Variants in CEP112 observed in about 807,000 individuals in gnomAD.
CEP112 encodes centrosomal protein 112.
CEP112 carries 127 observed loss-of-function variants against 153.0 expected under a neutral mutation model. That is an observed-to-expected ratio of 0.83 (90% CI 0.72 to 0.96). CEP112 has a LOEUF of 0.96. CEP112 is among the 40% of genes least tolerant of loss of function. The pLI, the probability that CEP112 is intolerant of heterozygous loss-of-function variation, is 0.00. For missense variants in CEP112, 1,089 were observed against 1,101.2 expected, an observed-to-expected ratio of 0.99 and a Z score of 0.16; for synonymous variants, 358 against 374.4, an observed-to-expected ratio of 0.96 and a Z score of 0.51.
chr17:65,689,135 CT>C lies in CEP112; in HGVS notation c.2690del (p.Gln897ArgfsTer4). ...KKLQHKELES[Q>X]EQITYIRQEY... ...ATAGTAAAGGAGAGGGTACCTGTTC[CT>C]GTGACTCCAATTCTTTGTGTTGTAA... On this transcript the variant is annotated frameshift_variant, in exon 24 of 27. Coordinates refer to ENST00000535342, the MANE Select transcript of CEP112 (RefSeq NM_001199165.4). LOFTEE classifies it high-confidence loss of function. The C allele has an allele frequency of 1.2e-6, 2 of 1,607,672 alleles. No homozygotes were observed. The highest frequency in any genetic ancestry group is 1.7e-6 in the Non-Finnish European group (2 of 1,174,206).
chr17:65,655,453 G>A, intron 24 of CEP112: 1 of 1,038,270 alleles, frequency 9.6e-7, no homozygotes, highest in Non-Finnish European at 1.5e-6. Flanking sequence ...TCTTTTGAAT[G>A]GGCCACAGTG....
chr17:65,659,914 C>A (rs2046258692), intron 24 of CEP112, among the ~76,000 whole-genome samples: 1 of 152,062 alleles, frequency 6.6e-6, no homozygotes, highest in South Asian at 2.1e-4. Context: ...TGAGTAGGAA[C>A]TTTCAAGATG....
chr17:66,089,595 A>G (rs944817513), intron 8 of CEP112, among the ~76,000 whole-genome samples: 3 of 152,162 alleles, frequency 2.0e-5, no homozygotes, highest in South Asian at 2.1e-4. Context: ...AATTCAGTAA[A>G]CTCAAATATA....
intron 4 of CEP112, among the ~76,000 whole-genome samples, chr17:66,136,436 T>C (rs1025352007): frequency 3.3e-5 from 5 of 151,508 alleles, no homozygotes; most frequent in African/African-American, 9.7e-5. Flanking sequence ...ACAAAGGTGG[T>C]GGTTTGGACT....
chr17:65,734,520 C>T (rs547722060), intron 23 of CEP112, among the ~76,000 whole-genome samples: 3 of 152,162 alleles, frequency 2.0e-5, no homozygotes, highest in Admixed American at 1.3e-4. Context: ...TAGTAATAAA[C>T]TCATTATGTG....
intron 17 of CEP112, among the ~76,000 whole-genome samples, chr17:65,965,224 C>T (rs1054165286): frequency 2.6e-5 from 4 of 152,040 alleles, no homozygotes; most frequent in Admixed American, 6.6e-5. Flanking sequence ...TTTAGCTATC[C>T]GTCAGATAAT....
chr17:65,699,544 C>T (rs1380680700), intron 23 of CEP112, among the ~76,000 whole-genome samples: 1 of 152,182 alleles, frequency 6.6e-6, no homozygotes, highest in African/African-American at 2.4e-5. Flanking sequence ...CTCCCTTTTG[C>T]TAAGTCCCTT....
chr17:65,848,715 C>T (rs2057814435), intron 21 of CEP112, among the ~76,000 whole-genome samples: 1 of 152,226 alleles, frequency 6.6e-6, no homozygotes, highest in Non-Finnish European at 1.5e-5. Context: ...TGTAGTGTCA[C>T]TTCAAACTCC....
At chr17:66,109,869 T>A (rs1343402448) in intron 6 of CEP112, among the ~76,000 whole-genome samples, 1 of 152,080 alleles carries the variant, frequency 6.6e-6, no homozygotes, top group Non-Finnish European at 1.5e-5. Context: ...TATAAAGATA[T>A]AATAAAACCA....
At chr17:65,675,425 C>T (rs929495552) in intron 24 of CEP112, among the ~76,000 whole-genome samples, 2 of 152,090 alleles carry the variant, frequency 1.3e-5, no homozygotes, top group Non-Finnish European at 2.9e-5. Context: ...AGGCTGGTCT[C>T]GAATGCCTGA....
At chr17:65,701,097 A>G (rs1273162747) in intron 23 of CEP112, among the ~76,000 whole-genome samples, 1 of 152,212 alleles carries the variant, frequency 6.6e-6, no homozygotes, top group East Asian at 1.9e-4. Flanking sequence ...CATGGCTGGG[A>G]GGCCATTAGG....
At position 66,053,997 on chromosome 17, in the gene CEP112, A is replaced by G. The variant is rs139563704; in HGVS notation, c.1075-118T>C. 7.8e-4 allele frequency: 474 copies of G among 609,986 alleles called. 2 individuals are homozygous for G. The African/African-American group carries it at 8.2e-3, about 11-fold the overall frequency. 37.8% of individuals were successfully genotyped at this position (609,986 alleles called of 1,614,324 possible). Reference sequence around the variant, plus strand: ...TTATATATATGATGACCTGAACACCAAAAGATACAAAAAACCACCAGTAAA... The same window carrying G: ...TTATATATATGATGACCTGAACACCGAAAGATACAAAAAACCACCAGTAAA... On this transcript the variant is annotated intron_variant, in intron 11 of 26. Coordinates refer to ENST00000535342, the MANE Select transcript of CEP112 (RefSeq NM_001199165.4).
intron 8 of CEP112, among the ~76,000 whole-genome samples, chr17:66,088,364 C>T (rs2068018496): frequency 6.6e-6 from 1 of 152,196 alleles, no homozygotes; most frequent in Non-Finnish European, 1.5e-5. Flanking sequence ...GGGCTCCAGA[C>T]TATTCACAGC....
chr17:65,891,081 G>A (rs1395160617), intron 20 of CEP112, among the ~76,000 whole-genome samples: 7 of 152,056 alleles, frequency 4.6e-5, no homozygotes, highest in African/African-American at 7.2e-5. Flanking sequence ...ACGTAGGTCC[G>A]GCATAGGGGC....
chr17:65,804,249 A>T (rs2055453797), intron 21 of CEP112: 1 of 152,178 alleles, frequency 6.6e-6, no homozygotes, highest in Non-Finnish European at 1.5e-5. Flanking sequence ...CACAAATATA[A>T]AAGAAAATTT....
chr17:65,881,250 C>T (rs1461046662), intron 20 of CEP112, among the ~76,000 whole-genome samples: 1 of 152,040 alleles, frequency 6.6e-6, no homozygotes, highest in Non-Finnish European at 1.5e-5. Flanking sequence ...CAAACCCCCA[C>T]AAAAATGGAA....
At chr17:66,104,320 C>T (rs1308771443) in intron 6 of CEP112, among the ~76,000 whole-genome samples, 1 of 152,140 alleles carries the variant, frequency 6.6e-6, no homozygotes, top group East Asian at 1.9e-4. Flanking sequence ...GGCAGAGTCC[C>T]AAGGCCCCCA....
chr17:65,789,394 C>G (rs1270928633), intron 21 of CEP112, among the ~76,000 whole-genome samples: 2 of 152,136 alleles, frequency 1.3e-5, no homozygotes, highest in East Asian at 3.8e-4. Flanking sequence ...GATACTCTAT[C>G]TAAAGTATAA....
chr17:65,893,602 T>C (rs975735434), intron 20 of CEP112, among the ~76,000 whole-genome samples: 6 of 152,158 alleles, frequency 3.9e-5, no homozygotes, highest in East Asian at 1.9e-4. Flanking sequence ...ACTGATTCAA[T>C]ACTTGGGGGC....
Sources: allele counts gnomAD v4.1 joint callset (sites outside exome capture counted in the v4.1 genomes callset), GRCh38; gene constraint gnomAD v4.1.1; transcripts MANE v1.5; gene names NCBI Gene and HGNC (gene_info 2026-07-23, HGNC 2026-07-21).